Variants in NXPE1 observed in about 807,000 individuals in gnomAD.
The protein encoded by NXPE1 is neurexophilin and PC-esterase domain family member 1, also known as NXPE family member 1.
NXPE1 carries 31 observed loss-of-function variants against 33.3 expected under a neutral mutation model. The observed-to-expected ratio is 0.93, with a 90% CI of 0.70 to 1.26. NXPE1 has a LOEUF of 1.26. NXPE1 is among the 50% of genes most tolerant of loss of function. The pLI is 0.00. For synonymous variants in NXPE1, 229 were observed against 231.4 expected (o/e 0.99, Z 0.09); for missense variants, 661 against 655.6 (o/e 1.01, Z -0.09).
chr11:114,519,138 C>T (rs1390446623), downstream of NXPE1, among the ~76,000 whole-genome samples: 2 of 152,114 alleles, frequency 1.3e-5, no homozygotes, highest in African/African-American at 4.8e-5. Context: ...TTTTATGAGC[C>T]TTTTATATGA....
intron 5 of NXPE1, among the ~76,000 whole-genome samples, chr11:114,534,277 C>T (rs1399396295): frequency 6.6e-6 from 1 of 152,136 alleles, no homozygotes; most frequent in Non-Finnish European, 1.5e-5. Flanking sequence ...CACCCAAAAC[C>T]CATCTGTACA....
chr11:114,527,721 A>G (rs1167893504), intron 7 of NXPE1, 119 bp downstream of exon 7: 1 of 604,260 alleles, frequency 1.7e-6, no homozygotes, highest in Non-Finnish European at 2.8e-6. Flanking sequence ...AAAGTCCAGC[A>G]TGATTGACAT....
chr11:114,553,602 T>G (rs1948576906), intron 1 of NXPE1: 3 of 468,356 alleles, frequency 6.4e-6, no homozygotes, highest in Non-Finnish European at 8.4e-6. Context: ...AAGATCACAT[T>G]TGTCTAAGCC....
At chr11:114,552,114 C>T (rs1948508199) in intron 2 of NXPE1, 29 bp from the exon 3 acceptor site, 1 of 152,104 alleles carries the variant, frequency 6.6e-6, no homozygotes, top group African/African-American at 2.4e-5. Flanking sequence ...AGTGAGAGAA[C>T]AAAGGATCAG....
exon 6 of NXPE1, chr11:114,530,731 T>G: frequency 6.2e-7 from 1 of 1,614,198 alleles, no homozygotes; most frequent in Non-Finnish European, 8.5e-7. Context: ...GTGGTGGTGT[T>G]CACATGGGTG....
In NXPE1 at chr11:114,531,289, C is replaced by G. The variant is rs554851870; in HGVS notation, c.100-381G>C. ...CAATAAACTGGTGATGATAAGTTTA[C>G]TCTTTCTTTTCATATATGCCTTACA... On this transcript the variant is annotated intron_variant, in intron 5 of 8. Transcript: ENST00000534921. 3.9e-5 allele frequency among the ~76,000 whole-genome samples: 6 copies of G among 152,174 alleles called. No homozygotes were observed. In the South Asian group the frequency reaches 1.2e-3, roughly 32 times the overall value.
At chr11:114,536,589 A>G (rs565844689) in intron 5 of NXPE1, among the ~76,000 whole-genome samples, 2 of 152,210 alleles carry the variant, frequency 1.3e-5, no homozygotes, top group African/African-American at 2.4e-5. Context: ...ATAAAAAATG[A>G]CAAAGGGGAT....
chr11:114,525,670 A>G (rs1198482860), intron 7 of NXPE1, among the ~76,000 whole-genome samples: 1 of 152,176 alleles, frequency 6.6e-6, no homozygotes, highest in Non-Finnish European at 1.5e-5. Context: ...CTGAGTTGCA[A>G]CACCTGGCTT....
At chr11:114,552,612 C>T (rs933841065) in intron 2 of NXPE1, among the ~76,000 whole-genome samples, 2 of 152,012 alleles carry the variant, frequency 1.3e-5, no homozygotes, top group African/African-American at 2.4e-5. Flanking sequence ...AGGGGCTACT[C>T]TGACCCCTCC....
chr11:114,557,196 C>G (rs1338938686), intron 1 of NXPE1, among the ~76,000 whole-genome samples: 1 of 152,084 alleles, frequency 6.6e-6, no homozygotes, highest in Admixed American at 6.6e-5. Flanking sequence ...GCCCGGCCCC[C>G]TTTTTGACCT....
chr11:114,530,037 G>A, intron 6 of NXPE1, 138 bp downstream of exon 6: 1 of 839,050 alleles, frequency 1.2e-6, no homozygotes, highest in Non-Finnish European at 1.8e-6. Flanking sequence ...GTGAGTAGAG[G>A]CCCCAAGAAG....
rs973575214 is a variant in NXPE1 at position 114,553,762 on chromosome 11, G to A, written c.-210-882C>T. 222 of 985,088 alleles carry A rather than the reference G, an allele frequency of 2.3e-4. 1 individual carries two copies. Among genetic ancestry groups the A allele is most frequent in the Admixed American group, 1.1e-3 (18 of 16,258 alleles). The allele number at this position is 985,088 out of a possible 1,614,324, so 61.0% of individuals were successfully genotyped here. A position where few individuals can be genotyped will look rare whatever the true frequency, so the allele number is the denominator to read the frequency against. ...ATGCCTCCATTTGGAAATCCTCACTGGTAGAGGTGAGCTGAACCCAGCCTT... is the reference window on the plus strand; with the variant it reads ...ATGCCTCCATTTGGAAATCCTCACTAGTAGAGGTGAGCTGAACCCAGCCTT... On this transcript the variant is annotated intron_variant, in intron 1 of 8. Transcript: ENST00000534921.
chr11:114,559,818 ATC>A (rs2135151709), exon 1 of NXPE1: 1 of 152,368 alleles, frequency 6.6e-6, no homozygotes, highest in South Asian at 2.1e-4. Context: ...GATCTCTCCT[ATC>A]TGGGTGGCTG....
chr11:114,531,016 C>A, intron 5 of NXPE1, 108 bp from the exon 6 acceptor site: 1 of 1,157,842 alleles, frequency 8.6e-7, no homozygotes. Context: ...TAATTGAATT[C>A]AATTTGTTAC....
Position 114,522,508 on chromosome 11 carries a change from T to C in NXPE1, c.1109-5A>G. On this transcript the variant is annotated splice_polypyrimidine_tract_variant and splice_region_variant and intron_variant, in intron 8 of 8. Transcript: ENST00000534921. ...GAAGATCAAAAAACTTCAGTGCTGATAAAAAAACAAATAGATGTTTTAAAT... is the reference window on the plus strand; with the variant it reads ...GAAGATCAAAAAACTTCAGTGCTGACAAAAAAACAAATAGATGTTTTAAAT... 2 of 1,570,750 alleles carry C rather than the reference T, an allele frequency of 1.3e-6. No homozygotes were observed. Among genetic ancestry groups the C allele is most frequent in the South Asian group, 1.2e-5 (1 of 84,744 alleles).
At chr11:114,546,516 G>C (rs1390379021) in intron 5 of NXPE1, among the ~76,000 whole-genome samples, 1 of 149,546 alleles carries the variant, frequency 6.7e-6, no homozygotes, top group Non-Finnish European at 1.5e-5. Context: ...TGACCAGACT[G>C]GTCCCGAATT....
At chr11:114,522,163 C>T (rs371341113) in exon 9 of NXPE1, 26 of 1,613,894 alleles carry the variant, frequency 1.6e-5, no homozygotes, top group Non-Finnish European at 2.2e-5. Context: ...TCTCTATGTG[C>T]ATCTCCCTGA....
At chr11:114,538,475 C>T (rs1309645547) in intron 5 of NXPE1, among the ~76,000 whole-genome samples, 1 of 152,128 alleles carries the variant, frequency 6.6e-6, no homozygotes, top group Non-Finnish European at 1.5e-5. Flanking sequence ...AAGAAACCAC[C>T]ATCAGAGTGA....
chr11:114,551,727 T>C (rs1294915551), intron 3 of NXPE1, among the ~76,000 whole-genome samples: 3 of 151,892 alleles, frequency 2.0e-5, no homozygotes, highest in African/African-American at 7.3e-5. Flanking sequence ...AAATGGAAAC[T>C]CCTTCAGGAA....
Sources: gnomAD v4.1 joint callset for allele counts (sites outside exome capture counted in the v4.1 genomes callset) on GRCh38, gnomAD v4.1.1 for gene constraint, MANE v1.5 for transcripts, NCBI Gene and HGNC (gene_info 2026-07-23, HGNC 2026-07-21) for gene names.